Variants in FSTL5 observed in about 807,000 individuals in gnomAD.
FSTL5 encodes the protein follistatin like 5.
In FSTL5, 62 loss-of-function variants were observed where a neutral mutation model predicts 89.1. The ratio of observed to expected loss-of-function variants is 0.70; its 90% CI spans 0.57 to 0.86. FSTL5 has a LOEUF of 0.86. Among genes scored for constraint, FSTL5 ranks in the 40% least tolerant of loss-of-function variants. The probability of loss-of-function intolerance (pLI) is 0.00; values close to 1 mark genes in which losing one functional copy is unlikely to be tolerated. For missense variants in FSTL5, 1,057 were observed against 1,001.6 expected, an observed-to-expected ratio of 1.06 and a Z score of -0.75; for synonymous variants, 383 against 346.2, an observed-to-expected ratio of 1.11 and a Z score of -1.18.
At chr4:161,676,948 TAA>T (rs1319094159) in intron 6 of FSTL5, among the ~76,000 whole-genome samples, 13 of 151,988 alleles carry the variant, frequency 8.6e-5, no homozygotes, top group African/African-American at 3.1e-4. Flanking sequence ...TAAACTATAT[TAA>T]GTTAGCCATA....
At chr4:161,535,605 G>A (rs945612258) in intron 10 of FSTL5, among the ~76,000 whole-genome samples, 4 of 152,020 alleles carry the variant, frequency 2.6e-5, no homozygotes, top group Non-Finnish European at 5.9e-5. Flanking sequence ...GCAAGGTTAT[G>A]GAGAAAAGCG....
intron 5 of FSTL5, among the ~76,000 whole-genome samples, chr4:161,771,935 G>A (rs1229590292): frequency 6.6e-6 from 1 of 152,154 alleles, no homozygotes; most frequent in Non-Finnish European, 1.5e-5. Flanking sequence ...ATTCTGTTAA[G>A]TTAGAATGAT....
intron 6 of FSTL5, among the ~76,000 whole-genome samples, chr4:161,699,258 C>T (rs563254875): frequency 3.3e-5 from 5 of 152,204 alleles, no homozygotes; most frequent in South Asian, 2.1e-4. Context: ...CATATTAAAT[C>T]GTGCCTTTTT....
At chr4:162,111,906 T>C (rs751258755) in intron 1 of FSTL5, among the ~76,000 whole-genome samples, 3 of 152,168 alleles carry the variant, frequency 2.0e-5, no homozygotes, top group Non-Finnish European at 2.9e-5. Context: ...ATTAACTGAG[T>C]ACAACAGAAG....
chr4:161,671,066 C>T (rs1737088921), intron 6 of FSTL5, among the ~76,000 whole-genome samples: 1 of 152,196 alleles, frequency 6.6e-6, no homozygotes, highest in Non-Finnish European at 1.5e-5. Context: ...CAGCTCTAAT[C>T]AGCTAATGAA....
chr4:162,143,839 G>GA (rs35171818), intron 1 of FSTL5, among the ~76,000 whole-genome samples: 5 of 146,436 alleles, frequency 3.4e-5, no homozygotes, highest in Non-Finnish European at 7.5e-5. Context: ...CACACGGCAG[G>GA]AAAAAAAATA....
chr4:161,577,682 G>A (rs1402107411), intron 8 of FSTL5, among the ~76,000 whole-genome samples: 4 of 152,052 alleles, frequency 2.6e-5, no homozygotes, highest in Non-Finnish European at 4.4e-5. Context: ...AGACAGCTAC[G>A]GGAATCTAAA....
At chr4:161,591,520 T>C (rs916382080) in intron 7 of FSTL5, among the ~76,000 whole-genome samples, 2 of 145,896 alleles carry the variant, frequency 1.4e-5, no homozygotes, top group Non-Finnish European at 3.1e-5. Flanking sequence ...AATACTTAAA[T>C]CCAAAAAAAT....
At chr4:161,477,381 G>A (rs979861414) in intron 13 of FSTL5, among the ~76,000 whole-genome samples, 1 of 149,896 alleles carries the variant, frequency 6.7e-6, no homozygotes, top group Admixed American at 6.7e-5. Flanking sequence ...TTAAATCTGA[G>A]GGTTTACATA....
chr4:161,587,470 T>C lies in FSTL5; in HGVS notation c.1000A>G (p.Ile334Val), dbSNP rs1298654277. 38 of 1,613,172 alleles carry C rather than the reference T, an allele frequency of 2.4e-5. No homozygotes were observed. The highest frequency in any genetic ancestry group is 3.1e-5 in the Non-Finnish European group (36 of 1,179,440). ...CACTTCTTACCATTCACTTGGAAGA[T>C]GTGAGTCTGATAGACTTGTTCATAG... The part of the protein sequence containing the change: ...DGYEQVYQTH[I>V]FQVNVPPVIR... The change falls in exon 8 of 16, where the codon ATC (isoleucine) becomes GTC (valine). Residue 334 changes from isoleucine (I) to valine (V), a missense_variant. Coordinates refer to ENST00000306100, the MANE Select transcript of FSTL5 (RefSeq NM_020116.5).
chr4:161,828,417 A>G (rs966535541), intron 4 of FSTL5, among the ~76,000 whole-genome samples: 3 of 152,108 alleles, frequency 2.0e-5, no homozygotes, highest in African/African-American at 7.2e-5. Flanking sequence ...TTCTAGATGT[A>G]TGTGTTTCCA....
intron 4 of FSTL5, among the ~76,000 whole-genome samples, chr4:161,815,936 C>A (rs559488149): frequency 1.3e-5 from 2 of 151,970 alleles, no homozygotes; most frequent in Non-Finnish European, 2.9e-5. Context: ...TTTGCCTCAC[C>A]AAAATTTAAA....
chr4:161,986,000 T>C (rs1292681215), intron 3 of FSTL5, among the ~76,000 whole-genome samples: 1 of 152,164 alleles, frequency 6.6e-6, no homozygotes, highest in Non-Finnish European at 1.5e-5. Flanking sequence ...AAAGCTTTTA[T>C]ACACTATATA....
intron 7 of FSTL5, among the ~76,000 whole-genome samples, chr4:161,649,767 T>C (rs1247343723): frequency 6.6e-6 from 1 of 152,208 alleles, no homozygotes; most frequent in Non-Finnish European, 1.5e-5. Flanking sequence ...TTGTAGTTAT[T>C]GCATGCCAGA....
intron 4 of FSTL5, among the ~76,000 whole-genome samples, chr4:161,843,851 A>G (rs975864813): frequency 1.3e-5 from 2 of 152,142 alleles, no homozygotes; most frequent in Non-Finnish European, 2.9e-5. Context: ...CCTAGAAGAA[A>G]ACCTAGGCAA....
intron 15 of FSTL5, among the ~76,000 whole-genome samples, chr4:161,453,751 T>A (rs1286092630): frequency 1.3e-5 from 2 of 152,062 alleles, no homozygotes; most frequent in Non-Finnish European, 2.9e-5. Context: ...TGCACCACCA[T>A]GTCGGCTAAT....
chr4:161,592,295 C>T (rs1733847108), intron 7 of FSTL5, among the ~76,000 whole-genome samples: 1 of 151,894 alleles, frequency 6.6e-6, no homozygotes, highest in Admixed American at 6.6e-5. Context: ...CATTATTATA[C>T]ATTAAGTTCT....
rs1054224972 is a variant in FSTL5, at chr4:161,529,665, AT to A, written c.1312+8500del. The stretch of plus-strand genomic sequence containing the variant: ...TTTAATAAAATATATGAAAATTAAT[AT>A]TTTTATTCATTGATTTATTTTTTCC... On this transcript the variant is annotated intron_variant, in intron 10 of 15. Coordinates refer to ENST00000306100, the MANE Select transcript of FSTL5 (RefSeq NM_020116.5). Among the ~76,000 whole-genome samples the A allele has an allele frequency of 1.8e-4, 25 of 141,696 alleles. 1 individual carries two copies. The highest frequency in any genetic ancestry group is 5.8e-4 in the African/African-American group (23 of 39,838). The allele number at this position is 141,696 out of a possible 152,430, so 93.0% of individuals were successfully genotyped here. A position where few individuals can be genotyped will look rare whatever the true frequency, so the allele number is the denominator to read the frequency against.
chr4:162,142,201 T>C (rs1732774509), intron 1 of FSTL5, among the ~76,000 whole-genome samples: 1 of 152,024 alleles, frequency 6.6e-6, no homozygotes, highest in South Asian at 2.1e-4. Context: ...CAGAGAAAAT[T>C]GAGTTGATGT....
Sources: allele counts gnomAD v4.1 joint callset (sites outside exome capture counted in the v4.1 genomes callset), GRCh38; gene constraint gnomAD v4.1.1; transcripts MANE v1.5; gene names NCBI Gene and HGNC (gene_info 2026-07-23, HGNC 2026-07-21).